Variants in SGCZ observed in about 807,000 individuals in gnomAD.
SGCZ encodes the protein sarcoglycan zeta.
Under a neutral mutation model 41.3 loss-of-function variants are expected in SGCZ, and 40 were observed. The observed-to-expected ratio is 0.97, with a 90% CI of 0.75 to 1.26. The LOEUF (loss-of-function observed/expected upper bound fraction) is 1.26, where lower values mean the gene tolerates loss of function less well. Among genes scored for constraint, SGCZ ranks in the 50% most tolerant of loss-of-function variants. SGCZ has a pLI of 0.00. For synonymous variants in SGCZ, 206 were observed against 137.5 expected (o/e 1.50, Z -3.49); for missense variants, 552 against 369.8 (o/e 1.49, Z -4.04).
At chr8:15,071,811 G>T (rs1281860906) in intron 1 of SGCZ, among the ~76,000 whole-genome samples, 1 of 152,098 alleles carries the variant, frequency 6.6e-6, no homozygotes, top group African/African-American at 2.4e-5. Context: ...TTAGGAAGAT[G>T]GTAGAAGAGG....
intron 1 of SGCZ, among the ~76,000 whole-genome samples, chr8:14,733,310 T>A (rs1351046911): frequency 2.6e-5 from 4 of 152,136 alleles, no homozygotes; most frequent in Admixed American, 1.3e-4. Flanking sequence ...CCCATTCCTT[T>A]CCATGGAACA....
At chr8:14,382,785 C>T (rs1446135300) in intron 2 of SGCZ, among the ~76,000 whole-genome samples, 1 of 152,176 alleles carries the variant, frequency 6.6e-6, no homozygotes, top group African/African-American at 2.4e-5. Flanking sequence ...ATGGCTCTCT[C>T]ATTCCTTTGA....
At chr8:14,261,869 TAAATTCCAGAAGCAAAGCAAAAGTAGAGG>T (rs1799680140) in intron 3 of SGCZ, among the ~76,000 whole-genome samples, 1 of 152,150 alleles carries the variant, frequency 6.6e-6, no homozygotes, top group South Asian at 2.1e-4. Flanking sequence ...TCAGAGGATC[TAAATTCCAGAAGCAAAGCAAAAGTAGAGG>T]AAAAGTTTAC....
chr8:14,326,211 G>A (rs539670264), intron 2 of SGCZ, among the ~76,000 whole-genome samples: 1 of 150,916 alleles, frequency 6.6e-6, no homozygotes, highest in African/African-American at 2.4e-5. Context: ...ATAAAACCAA[G>A]GATAAATTCT....
At chr8:14,695,901 G>C (rs1260566881) in intron 1 of SGCZ, among the ~76,000 whole-genome samples, 1 of 151,942 alleles carries the variant, frequency 6.6e-6, no homozygotes, top group African/African-American at 2.4e-5. Context: ...AGGGTCATAA[G>C]TACTTCAAAT....
intron 1 of SGCZ, among the ~76,000 whole-genome samples, chr8:14,962,618 A>C (rs1350961368): frequency 6.6e-6 from 1 of 152,206 alleles, no homozygotes; most frequent in Non-Finnish European, 1.5e-5. Context: ...ATTCATTTTT[A>C]TGTATCTGAG....
At chr8:15,149,923 T>C (rs184412885) in intron 1 of SGCZ, among the ~76,000 whole-genome samples, 5 of 152,300 alleles carry the variant, frequency 3.3e-5, no homozygotes, top group Non-Finnish European at 7.4e-5. Context: ...GGAGGCATCA[T>C]GGGAAACCAT....
At chr8:14,657,460 C>A in intron 1 of SGCZ, among the ~76,000 whole-genome samples, 1 of 151,904 alleles carries the variant, frequency 6.6e-6, no homozygotes, top group East Asian at 1.9e-4. Context: ...ATAAAGTTGA[C>A]ATTATAATGA....
At chr8:14,657,261 A>C (rs1807607286) in intron 1 of SGCZ, among the ~76,000 whole-genome samples, 1 of 152,028 alleles carries the variant, frequency 6.6e-6, no homozygotes, top group African/African-American at 2.4e-5. Flanking sequence ...TTCCCTCATG[A>C]ACAGGAAGGC....
rs116954559 is a variant in SGCZ, at chr8:14,321,558, G to C, written c.336+2545C>G. On this transcript the variant is annotated intron_variant, in intron 3 of 7. Transcript: ENST00000382080. Reference sequence around the variant, plus strand: ...ACAACCACAAAGTAATTTTAAATAAGAAAATTCTGTATGTCAGAGTGAAAT... The same window carrying C: ...ACAACCACAAAGTAATTTTAAATAACAAAATTCTGTATGTCAGAGTGAAAT... Among the ~76,000 whole-genome samples the C allele has an allele frequency of 6.2e-4, 94 of 152,098 alleles. 1 individual carries two copies. In the East Asian group the frequency reaches 0.013, roughly 20 times the overall value.
At chr8:14,544,465 G>A (rs1803564079) in intron 2 of SGCZ, among the ~76,000 whole-genome samples, 1 of 152,140 alleles carries the variant, frequency 6.6e-6, no homozygotes, top group Non-Finnish European at 1.5e-5. Flanking sequence ...CCTTCTTGCA[G>A]AGAGCCTATA....
intron 1 of SGCZ, among the ~76,000 whole-genome samples, chr8:14,799,889 T>G (rs937177338): frequency 2.4e-4 from 37 of 152,190 alleles, no homozygotes; most frequent in African/African-American, 8.7e-4. Context: ...GAAGAAGAAA[T>G]GGAGGTTGGA....
chr8:14,822,979 G>C (rs1303099153), intron 1 of SGCZ, among the ~76,000 whole-genome samples: 1 of 148,828 alleles, frequency 6.7e-6, no homozygotes, highest in Non-Finnish European at 1.5e-5. Context: ...GCTGGAGCCT[G>C]GGAGGCAGAG....
intron 1 of SGCZ, among the ~76,000 whole-genome samples, chr8:14,598,707 T>C (rs1490607268): frequency 6.6e-6 from 1 of 152,008 alleles, no homozygotes; most frequent in Non-Finnish European, 1.5e-5. Flanking sequence ...TTTTTGTAAT[T>C]TTTGTAGAGA....
chr8:14,303,148 G>A (rs28414733), intron 3 of SGCZ, among the ~76,000 whole-genome samples: 33,338 of 151,946 alleles, frequency 0.22, 3,839 homozygotes, highest in East Asian at 0.29. Context: ...GAAAATAAAC[G>A]TATATTAAAT....
chr8:14,111,508 T>C (rs1379517888), intron 5 of SGCZ, among the ~76,000 whole-genome samples: 1 of 152,200 alleles, frequency 6.6e-6, no homozygotes, highest in Non-Finnish European at 1.5e-5. Flanking sequence ...TATTAATATG[T>C]ATATGTAAAC....
intron 1 of SGCZ, among the ~76,000 whole-genome samples, chr8:15,025,062 C>G (rs1216115117): frequency 1.3e-5 from 2 of 152,002 alleles, no homozygotes; most frequent in African/African-American, 4.8e-5. Flanking sequence ...AAAATACTCT[C>G]TAGGTTTAAT....
At chr8:14,186,317 A>G (rs1334143396) in intron 4 of SGCZ, among the ~76,000 whole-genome samples, 2 of 152,264 alleles carry the variant, frequency 1.3e-5, no homozygotes, top group Non-Finnish European at 2.9e-5. Context: ...GAGAGACTGT[A>G]TCATTTTAGC....
At chr8:14,124,185 G>C (rs1802783025) in intron 5 of SGCZ, among the ~76,000 whole-genome samples, 1 of 152,082 alleles carries the variant, frequency 6.6e-6, no homozygotes, top group Non-Finnish European at 1.5e-5. Context: ...AATTATAACA[G>C]CAGCACCAAG....
Sources: allele counts gnomAD v4.1 joint callset (sites outside exome capture counted in the v4.1 genomes callset), GRCh38; gene constraint gnomAD v4.1.1; transcripts MANE v1.5; gene names NCBI Gene and HGNC (gene_info 2026-07-23, HGNC 2026-07-21).